The following CHMP3 variants were observed in gnomAD, a reference collection of about 807,000 sequenced individuals.
CHMP3 encodes the protein 25.1 protein.
In CHMP3, 8 loss-of-function variants were observed where a neutral mutation model predicts 27.4. The observed-to-expected ratio is 0.29, with a 90% CI of 0.17 to 0.53. The LOEUF (loss-of-function observed/expected upper bound fraction) is 0.53, where lower values mean the gene tolerates loss of function less well. CHMP3 is among the 20% of genes least tolerant of loss of function. The probability of loss-of-function intolerance (pLI) is 0.96; values close to 1 mark genes in which losing one functional copy is unlikely to be tolerated. For synonymous variants in CHMP3, 86 were observed against 85.5 expected, an observed-to-expected ratio of 1.01 and a Z score of -0.03; for missense variants, 208 against 271.5, an observed-to-expected ratio of 0.77 and a Z score of 1.64.
At chr2:86,524,717 G>T (rs1202444591) in intron 3 of CHMP3, among the ~76,000 whole-genome samples, 1 of 152,192 alleles carries the variant, frequency 6.6e-6, no homozygotes, top group African/African-American at 2.4e-5. Flanking sequence ...ATTCCCAGAG[G>T]AAAATATAGG....
chr2:86,509,989 G>T (rs1675035858), intron 4 of CHMP3, among the ~76,000 whole-genome samples: 1 of 152,162 alleles, frequency 6.6e-6, no homozygotes, highest in Non-Finnish European at 1.5e-5. Context: ...GCAAACTACA[G>T]CTGCTGCAGG....
At chr2:86,532,011 G>A (rs1056521865) in intron 2 of CHMP3, among the ~76,000 whole-genome samples, 94 of 152,176 alleles carry the variant, frequency 6.2e-4, no homozygotes, top group Admixed American at 1.4e-3. Flanking sequence ...TTTTGATAAG[G>A]ATTGCACTTT....
intron 1 of CHMP3, among the ~76,000 whole-genome samples, chr2:86,550,996 G>A (rs754354279): frequency 2.6e-5 from 4 of 152,162 alleles, no homozygotes; most frequent in South Asian, 2.1e-4. Context: ...CTCAGATACC[G>A]AGAAATGACT....
chr2:86,509,965 TA>T (rs1558643368), intron 4 of CHMP3, among the ~76,000 whole-genome samples: 2 of 152,210 alleles, frequency 1.3e-5, no homozygotes, highest in Admixed American at 1.3e-4. Context: ...TTTTTTAGTT[TA>T]AAACAGGGAT....
chr2:86,552,733 A>G (rs1381872885), intron 1 of CHMP3, among the ~76,000 whole-genome samples: 9 of 152,218 alleles, frequency 5.9e-5, no homozygotes, highest in African/African-American at 2.2e-4. Context: ...CCTGTGAGGC[A>G]TTCTTGCTAA....
At chr2:86,527,158 C>T (rs1383639260) in intron 3 of CHMP3, 3 of 151,552 alleles carry the variant, frequency 2.0e-5, no homozygotes, top group African/African-American at 7.3e-5. Context: ...AACTATAATC[C>T]CAGCACTTTG....
chr2:86,534,343 C>T (rs902222395), intron 2 of CHMP3, among the ~76,000 whole-genome samples: 4 of 151,726 alleles, frequency 2.6e-5, no homozygotes, highest in Admixed American at 6.6e-5. Context: ...ATTACAGGCA[C>T]ACACCATGAC....
intron 3 of CHMP3, among the ~76,000 whole-genome samples, chr2:86,528,945 T>C (rs1399428945): frequency 6.6e-6 from 1 of 152,212 alleles, no homozygotes; most frequent in Non-Finnish European, 1.5e-5. Context: ...CTCTTACTCC[T>C]ACAACTCAAT....
At chr2:86,512,535 G>A (rs1240958630) in intron 3 of CHMP3, 1 of 152,118 alleles carries the variant, frequency 6.6e-6, no homozygotes, top group Non-Finnish European at 1.5e-5. Context: ...AGGTGTGGCA[G>A]GTAAAAATTA....
intron 1 of CHMP3, among the ~76,000 whole-genome samples, chr2:86,560,048 G>A (rs775472062): frequency 2.0e-5 from 3 of 152,130 alleles, no homozygotes; most frequent in South Asian, 2.1e-4. Flanking sequence ...GGCAGATCAC[G>A]AGGTCAGGAG....
At chr2:86,536,485 A>G (rs2103967898) in intron 2 of CHMP3, among the ~76,000 whole-genome samples, 1 of 151,620 alleles carries the variant, frequency 6.6e-6, no homozygotes, top group South Asian at 2.1e-4. Flanking sequence ...GCTAGACATA[A>G]AATTTTGGTT....
intron 2 of CHMP3, among the ~76,000 whole-genome samples, chr2:86,534,831 C>T (rs1049155745): frequency 6.6e-6 from 1 of 152,076 alleles, no homozygotes; most frequent in African/African-American, 2.4e-5. Context: ...CTTTTGCTTC[C>T]AATCTATTTG....
intron 4 of CHMP3, 74 bp downstream of exon 4, chr2:86,510,284 A>C: frequency 1.3e-5 from 18 of 1,362,204 alleles, no homozygotes; most frequent in Non-Finnish European, 1.5e-5. Context: ...ACCCACCCTC[A>C]TCCCTAGCCC....
intron 2 of CHMP3, among the ~76,000 whole-genome samples, chr2:86,540,366 T>C (rs910660274): frequency 2.0e-5 from 3 of 152,152 alleles, no homozygotes; most frequent in African/African-American, 4.8e-5. Flanking sequence ...TTCTTTTTTC[T>C]GTCTGTACTA....
intron 1 of CHMP3, among the ~76,000 whole-genome samples, chr2:86,560,840 T>C (rs1277314463): frequency 2.6e-5 from 4 of 152,098 alleles, no homozygotes; most frequent in African/African-American, 9.7e-5. Flanking sequence ...ATAGGCATCT[T>C]ACATGGCAGG....
chr2:86,535,820 T>C (rs1345982610), intron 2 of CHMP3, among the ~76,000 whole-genome samples: 1 of 152,020 alleles, frequency 6.6e-6, no homozygotes, highest in Non-Finnish European at 1.5e-5. Context: ...TGAGCTTAAT[T>C]TCAAAAGCAG....
intron 2 of CHMP3, among the ~76,000 whole-genome samples, chr2:86,538,667 T>C (rs1417582842): frequency 2.0e-5 from 3 of 152,182 alleles, no homozygotes; most frequent in East Asian, 1.9e-4. Context: ...CCCAAGCTGA[T>C]TATTTTCATT....
intron 1 of CHMP3, among the ~76,000 whole-genome samples, chr2:86,548,256 T>A (rs1356431732): frequency 6.7e-6 from 1 of 150,196 alleles, no homozygotes; most frequent in Non-Finnish European, 1.5e-5. Flanking sequence ...GGCAGGGTCA[T>A]AGGATAATAG....
intron 2 of CHMP3, among the ~76,000 whole-genome samples, chr2:86,533,165 T>C (rs1194471884): frequency 6.6e-6 from 1 of 152,206 alleles, no homozygotes; most frequent in Non-Finnish European, 1.5e-5. Context: ...AGTTTCATGT[T>C]TCTAGTAATT....
Sources: allele counts gnomAD v4.1 joint callset (sites outside exome capture counted in the v4.1 genomes callset), GRCh38; gene constraint gnomAD v4.1.1; transcripts MANE v1.5; gene names NCBI Gene and HGNC (gene_info 2026-07-23, HGNC 2026-07-21).